The following OSCP1 variants were observed in gnomAD, a reference collection of about 807,000 sequenced individuals.
The protein encoded by OSCP1 is organic solute carrier partner 1, also known as protein OSCP1.
Under a neutral mutation model 45.1 loss-of-function variants are expected in OSCP1, and 35 were observed. The ratio of observed to expected loss-of-function variants is 0.78; its 90% confidence interval spans 0.59 to 1.03. OSCP1 has a LOEUF of 1.03. Ranked by LOEUF, OSCP1 falls within the 50% of genes least tolerant of loss-of-function variation. The pLI, the probability that OSCP1 is intolerant of heterozygous loss-of-function variation, is 0.00. For synonymous variants in OSCP1, 179 were observed against 180.1 expected (o/e 0.99, Z 0.05); for missense variants, 400 against 470.7 (o/e 0.85, Z 1.39).
At chr1:36,444,561 A>G (rs957792033) in intron 1 of OSCP1, among the ~76,000 whole-genome samples, 6 of 152,296 alleles carry the variant, frequency 3.9e-5, no homozygotes, top group South Asian at 2.1e-4. Context: ...TAAAAGGAAA[A>G]TGTCAGCATT....
chr1:36,423,330 C>A (rs764638105), intron 5 of OSCP1, 33 bp downstream of exon 5: 1 of 1,540,136 alleles, frequency 6.5e-7, no homozygotes, highest in Admixed American at 1.7e-5. Context: ...CCTAGCACCC[C>A]AAACATAGCT....
chr1:36,423,303 G>T, intron 5 of OSCP1, 60 bp downstream of exon 5: 1 of 1,311,428 alleles, frequency 7.6e-7, no homozygotes. Flanking sequence ...TTCCGTGTGC[G>T]GCCCATGTGC....
intron 4 of OSCP1, chr1:36,428,387 C>T (rs1351828588): frequency 2.5e-6 from 4 of 1,614,104 alleles, no homozygotes; most frequent in Non-Finnish European, 3.4e-6. Context: ...CAGTCTCCTT[C>T]TCCTGTCCTC....
chr1:36,440,270 A>C (rs372175830), intron 1 of OSCP1, among the ~76,000 whole-genome samples: 4 of 152,198 alleles, frequency 2.6e-5, no homozygotes, highest in African/African-American at 7.2e-5. Context: ...CGGAGGGCTC[A>C]GGCCCGCATT....
At chr1:36,424,299 C>T (rs1427669203) in intron 4 of OSCP1, among the ~76,000 whole-genome samples, 1 of 152,160 alleles carries the variant, frequency 6.6e-6, no homozygotes, top group East Asian at 1.9e-4. Context: ...CTATTACCCC[C>T]ATTTTAAAGA....
In OSCP1 at chr1:36,418,141, A is replaced by G. The variant is rs759325013; in HGVS notation, c.1138T>C (p.Ter380GlnextTer3). 3.8e-5 allele frequency: 62 copies of G among 1,613,918 alleles called. No individual in the cohort carries two copies. The highest frequency in any genetic ancestry group is 5.3e-5 in the Non-Finnish European group (62 of 1,179,908). ...DDLLAMMDEL[*>Q] is the part of the protein sequence containing the mutation. ...CAGAGGACGCCTGGTCAGAACAGCT[A>G]TAACTCATCCATCATGGCGAGCAAA... Residue 380 changes from the stop codon to glutamine (Q), a stop_lost, in exon 10 of 10, where the codon TAG becomes CAG. Transcript: ENST00000235532.
chr1:36,450,350 G>A lies in OSCP1; in HGVS notation c.20C>T (p.Pro7Leu). The A allele has an allele frequency of 1.2e-6, 2 of 1,613,916 alleles. No homozygotes were observed. Among genetic ancestry groups the A allele is most frequent in the Non-Finnish European group, 1.7e-6 (2 of 1,179,912 alleles). ...CCCGCCCAAGTTCAAGAAGAGCAGC[G>A]GTAGCGTCCGCACCGACATGGTGCT... MSVRTL[P>L]LLFLNLGGEM... The change falls in exon 1 of 10, where the codon CCG (proline) becomes CTG (leucine). Residue 7 changes from proline to leucine, a missense_variant. Coordinates refer to ENST00000235532, the MANE Select transcript of OSCP1 (RefSeq NM_145047.5).
intron 4 of OSCP1, among the ~76,000 whole-genome samples, chr1:36,427,103 C>A (rs1416025406): frequency 6.6e-6 from 1 of 151,068 alleles, no homozygotes; most frequent in Non-Finnish European, 1.5e-5. Context: ...TGGGTTCAAG[C>A]GATTCTCCTG....
chr1:36,425,706 C>T (rs1477959160), intron 4 of OSCP1, among the ~76,000 whole-genome samples: 1 of 149,454 alleles, frequency 6.7e-6, no homozygotes, highest in African/African-American at 2.5e-5. Flanking sequence ...GTATTCCAGC[C>T]TGGGCAACAG....
intron 2 of OSCP1, among the ~76,000 whole-genome samples, chr1:36,437,792 C>T (rs1648848439): frequency 6.6e-6 from 1 of 152,142 alleles, no homozygotes; most frequent in East Asian, 1.9e-4. Flanking sequence ...GCTAGGATTA[C>T]AGGTGTGAGC....
At chr1:36,438,526 A>G (rs1648910466) in intron 2 of OSCP1, among the ~76,000 whole-genome samples, 3 of 152,106 alleles carry the variant, frequency 2.0e-5, no homozygotes, top group Admixed American at 2.0e-4. Context: ...TCAAACAAAT[A>G]AAACCCAGCA....
At position 36,418,019 on chromosome 1, in the gene OSCP1, T is replaced by C; in HGVS notation, c.*120A>G. Reference sequence around the variant, plus strand: ...AGTTCCTTACAACATAAATAAGAAATAGACGTAATGGCTTCACTCAGTAGA... The same window carrying C: ...AGTTCCTTACAACATAAATAAGAAACAGACGTAATGGCTTCACTCAGTAGA... On this transcript the variant is annotated 3_prime_UTR_variant, in exon 10 of 10. Transcript: ENST00000235532. 2.8e-6 allele frequency: 2 copies of C among 714,228 alleles called. No individual in the cohort carries two copies. Among genetic ancestry groups the C allele is most frequent in the Middle Eastern group, 3.1e-4 (1 of 3,178 alleles). 44.2% of individuals were successfully genotyped at this position (714,228 alleles called of 1,614,324 possible).
chr1:36,438,813 G>C lies in OSCP1; in HGVS notation c.210C>G (p.Val70=). ...ELYSKKALRT[V]YERLAHASIM... Reference sequence around the variant, plus strand: ...TGGAGGCATGAGCCAGGCGCTCATAGACAGTCCTCAGGGCCTTCTTGGAGT... The same window carrying C: ...TGGAGGCATGAGCCAGGCGCTCATACACAGTCCTCAGGGCCTTCTTGGAGT... Residue 70 remains valine, a synonymous_variant, in exon 2 of 10, where the codon GTC becomes GTG. Transcript: ENST00000235532. 1 of 1,614,220 alleles carries C rather than the reference G, an allele frequency of 6.2e-7. No homozygotes were observed. The highest frequency in any genetic ancestry group is 8.5e-7 in the Non-Finnish European group (1 of 1,180,030).
At chr1:36,436,020 G>A (rs1365847628) in intron 2 of OSCP1, among the ~76,000 whole-genome samples, 2 of 151,840 alleles carry the variant, frequency 1.3e-5, no homozygotes, top group Non-Finnish European at 2.9e-5. Context: ...CTAAGTACCA[G>A]TAATAAGTGA....
chr1:36,418,351 A>G, intron 9 of OSCP1, 96 bp from the exon 10 acceptor site: 3 of 1,005,390 alleles, frequency 3.0e-6, no homozygotes, highest in Non-Finnish European at 4.6e-6. Flanking sequence ...CCCATGACTG[A>G]TATGTTTCAG....
chr1:36,423,688 C>G (rs1303037859), intron 4 of OSCP1, among the ~76,000 whole-genome samples: 2 of 151,844 alleles, frequency 1.3e-5, no homozygotes, highest in Non-Finnish European at 2.9e-5. Context: ...TCCTGGCTAA[C>G]ACGGTGAAAC....
intron 1 of OSCP1, among the ~76,000 whole-genome samples, chr1:36,449,039 TCA>T (rs781181662): frequency 1.3e-5 from 2 of 152,056 alleles, no homozygotes; most frequent in Non-Finnish European, 2.9e-5. Context: ...TTGCACTCAG[TCA>T]CACACACACA....
At chr1:36,434,348 T>C (rs905862947) in intron 2 of OSCP1, among the ~76,000 whole-genome samples, 16 of 152,202 alleles carry the variant, frequency 1.1e-4, no homozygotes, top group African/African-American at 3.4e-4. Context: ...TGCAGAATGA[T>C]ATTTGACCTC....
At position 36,431,874 on chromosome 1, in the gene OSCP1, A is replaced by G. The variant is rs1363458292; in HGVS notation, c.444T>C (p.Gly148=). Reference sequence around the variant, plus strand: ...GCTGGAACTCCCCTGCAGAGAGACCACCATATATCTGCCAAAGGCAAGCAG... The same window carrying G: ...GCTGGAACTCCCCTGCAGAGAGACCGCCATATATCTGCCAAAGGCAAGCAG... The part of the protein sequence containing the change: ...ETLRQLTEIY[G]GLSAGEFQLI... Residue 148 remains glycine (G), a synonymous_variant, in exon 4 of 10, where the codon GGT becomes GGC. Coordinates refer to ENST00000235532, the MANE Select transcript of OSCP1 (RefSeq NM_145047.5). 6.2e-7 allele frequency: 1 copy of G among 1,613,070 alleles called. No homozygotes were observed. Among genetic ancestry groups the G allele is most frequent in the Non-Finnish European group, 8.5e-7 (1 of 1,179,908 alleles).
Sources: gnomAD v4.1 joint callset for allele counts (sites outside exome capture counted in the v4.1 genomes callset) on GRCh38, gnomAD v4.1.1 for gene constraint, MANE v1.5 for transcripts, NCBI Gene and HGNC (gene_info 2026-07-23, HGNC 2026-07-21) for gene names.